Variants in BCL2L10 observed in about 807,000 individuals in gnomAD.
The protein encoded by BCL2L10 is bcl-2-like protein 10.
In BCL2L10, 14 loss-of-function variants were observed where a neutral mutation model predicts 11.1. That is an observed-to-expected ratio of 1.26 (90% confidence interval 0.83 to 1.96). BCL2L10 has a LOEUF of 1.96. BCL2L10 is among the 30% of genes most tolerant of loss of function. The pLI is 0.00. For missense variants in BCL2L10, 309 were observed against 273.9 expected (o/e 1.13, Z -0.90); for synonymous variants, 154 against 133.4 (o/e 1.15, Z -1.07).
rs374324889 is a variant in BCL2L10 at position 52,109,960 on chromosome 15, T to G, written c.503A>C (p.His168Pro). ...QAQGGWDGFCHFFRTPFPLAF... is the reference protein window; with the variant it reads ...QAQGGWDGFCPFFRTPFPLAF... ...CAGTGGAAAGGGGGTCCTGAAGAAG[T>G]GACAAAAGCCATCCTACAGGGGGGA... The change falls in exon 2 of 2, where the codon CAC (histidine) becomes CCC (proline). Residue 168 changes from histidine to proline, a missense_variant. Coordinates refer to ENST00000260442, the MANE Select transcript of BCL2L10 (RefSeq NM_020396.4). The G allele has an allele frequency of 5.0e-6, 8 of 1,611,128 alleles. No homozygotes were observed. The highest frequency in any genetic ancestry group is 6.8e-6 in the Non-Finnish European group (8 of 1,178,756).
rs997318253 is a variant in BCL2L10, at chr15:52,112,759, C to G, written c.-33G>C. On this transcript the variant is annotated 5_prime_UTR_variant, in exon 1 of 2. Coordinates refer to ENST00000260442, the MANE Select transcript of BCL2L10 (RefSeq NM_020396.4). ...CCTCTGCTGGGGGGCCGGGCCTTCG[C>G]TGGTTTTCTTGGCCCGGCCGCGCCT... 1.5e-5 allele frequency: 23 copies of G among 1,494,920 alleles called. No individual in the cohort carries two copies. Among genetic ancestry groups the G allele is most frequent in the Non-Finnish European group, 1.7e-5 (19 of 1,129,728 alleles). 92.6% of individuals were successfully genotyped at this position (1,494,920 alleles called of 1,614,324 possible).
At chr15:52,112,196 T>A (rs908375630) in intron 1 of BCL2L10, 42 bp downstream of exon 1, 4 of 1,433,972 alleles carry the variant, frequency 2.8e-6, no homozygotes, top group Non-Finnish European at 3.6e-6. Flanking sequence ...GCTTCCCGGC[T>A]GCCCGTCCCG....
Position 52,112,244 on chromosome 15 carries a change from G to A in BCL2L10, c.483C>T (p.Gly161=). 6.6e-7 allele frequency: 1 copy of A among 1,510,318 alleles called. No homozygotes were observed. The highest frequency in any genetic ancestry group is 8.8e-7 in the Non-Finnish European group (1 of 1,133,634). 93.6% of individuals were successfully genotyped at this position (1,510,318 alleles called of 1,614,324 possible). Residue 161 remains glycine, a synonymous_variant, in exon 1 of 2, where the codon GGC becomes GGT. Transcript: ENST00000260442. ...GTGTCCGCCGCGTGCTCACCCAGCC[G>A]CCCTGAGCCTGCAGCCAGGCGCGGT... The part of the protein sequence containing the change: ...GQHRAWLQAQ[G]GWDGFCHFFR...
At chr15:52,110,855 C>T (rs1209561913) in intron 1 of BCL2L10, among the ~76,000 whole-genome samples, 1 of 152,178 alleles carries the variant, frequency 6.6e-6, no homozygotes, top group Admixed American at 6.5e-5. Context: ...GTACAGAGAG[C>T]CCGGAGGGGC....
At chr15:52,111,695 G>A (rs2033059067) in intron 1 of BCL2L10, among the ~76,000 whole-genome samples, 1 of 152,068 alleles carries the variant, frequency 6.6e-6, no homozygotes, top group South Asian at 2.1e-4. Flanking sequence ...TGGGTGCAGA[G>A]GACTAGAAAT....
chr15:52,110,108 A>G (rs939966108), intron 1 of BCL2L10, 135 bp from the exon 2 acceptor site: 11 of 815,084 alleles, frequency 1.3e-5, no homozygotes, highest in Middle Eastern at 3.7e-4. Context: ...ATTCTGACCA[A>G]TACACATCCA....
Position 52,112,381 on chromosome 15 carries a change from C to A in BCL2L10, c.346G>T (p.Ala116Ser), listed in dbSNP as rs1286981875. 5.0e-6 allele frequency: 8 copies of A among 1,605,718 alleles called. No homozygotes were observed. The highest frequency in any genetic ancestry group is 6.8e-6 in the Non-Finnish European group (8 of 1,179,332). Residue 116 changes from alanine (A) to serine (S), a missense_variant, in exon 1 of 2, where the codon GCC (alanine) becomes TCC (serine). Coordinates refer to ENST00000260442, the MANE Select transcript of BCL2L10 (RefSeq NM_020396.4). Reference protein sequence around the residue: ...TLLERGPLVTARWKKWGFQPR... With the variant: ...TLLERGPLVTSRWKKWGFQPR... ...TGGAAGCCCCACTTCTTCCACCGGG[C>A]GGTCACCAGCGGCCCTCTCTCCAGC...
chr15:52,111,867 G>A (rs753486035), intron 1 of BCL2L10, among the ~76,000 whole-genome samples: 76 of 152,330 alleles, frequency 5.0e-4, no homozygotes, highest in Non-Finnish European at 8.5e-4. Context: ...CTGGGGCCCC[G>A]CCATTGCTGA....
Position 52,112,299 on chromosome 15 carries a change from G to A in BCL2L10, c.428C>T (p.Ala143Val). Residue 143 changes from alanine to valine, a missense_variant, in exon 1 of 2, where the codon GCC (alanine) becomes GTC (valine). Ala to Val is a moderately conservative substitution (Grantham distance 64). Transcript: ENST00000260442. The part of the protein sequence containing the change: ...DVARDCQRLV[A>V]LLSSRLMGQH... ...CCCCATGAGCCGCGAGCTCAGCAAGGCCACCAGGCGCTGGCAGTCCCGGGC... is the reference window on the plus strand; with the variant it reads ...CCCCATGAGCCGCGAGCTCAGCAAGACCACCAGGCGCTGGCAGTCCCGGGC... 2 of 1,566,142 alleles carry A rather than the reference G, an allele frequency of 1.3e-6. No homozygotes were observed. Among genetic ancestry groups the A allele is most frequent in the East Asian group, 2.4e-5 (1 of 42,232 alleles).
rs915947601 is a variant in BCL2L10, at chr15:52,112,691, G to T, written c.36C>A (p.Ala12=). ...GCTCGGTGCGCTCCCGCAGCGGGTCGGCCATGGTGGTGCGCTCCCGCAACT... is the reference window on the plus strand; with the variant it reads ...GCTCGGTGCGCTCCCGCAGCGGGTCTGCCATGGTGGTGCGCTCCCGCAACT... ...VDQLRERTTM[A]DPLRERTELL... The change falls in exon 1 of 2, where the codon GCC becomes GCA. Residue 12 remains alanine, a synonymous_variant. Coordinates refer to ENST00000260442, the MANE Select transcript of BCL2L10 (RefSeq NM_020396.4). The T allele has an allele frequency of 6.5e-7, 1 of 1,538,336 alleles. No individual in the cohort carries two copies. Among genetic ancestry groups the T allele is most frequent in the Non-Finnish European group, 8.7e-7 (1 of 1,148,258 alleles).
At position 52,109,938 on chromosome 15, in the gene BCL2L10, T is replaced by A. The variant is rs763824623; in HGVS notation, c.525A>T (p.Pro175=). 128 of 1,612,920 alleles carry A rather than the reference T, an allele frequency of 7.9e-5. 3 individuals are homozygous for A. The South Asian group carries it at 1.3e-3, about 16-fold the overall frequency. Residue 175 remains proline (P), a synonymous_variant, in exon 2 of 2, where the codon CCA becomes CCT. Transcript: ENST00000260442. ...GFCHFFRTPF[P]LAFWRKQLVQ... ...CCAGCTGTTTTCTCCAAAAAGCCAG[T>A]GGAAAGGGGGTCCTGAAGAAGTGAC...
chr15:52,109,981 G>A lies in BCL2L10; in HGVS notation c.490-8C>T. 6.3e-7 allele frequency: 1 copy of A among 1,593,058 alleles called. No individual in the cohort carries two copies. The highest frequency in any genetic ancestry group is 8.5e-7 in the Non-Finnish European group (1 of 1,170,670). The stretch of plus-strand genomic sequence containing the variant: ...GAAGTGACAAAAGCCATCCTACAGG[G>A]GGGAGAGAGAAAAGTTAGATTGCCT... On this transcript the variant is annotated splice_region_variant and splice_polypyrimidine_tract_variant and intron_variant, in intron 1 of 1. Transcript: ENST00000260442.
At position 52,109,894 on chromosome 15, in the gene BCL2L10, C is replaced by T; in HGVS notation, c.569G>A (p.Cys190Tyr). The change falls in exon 2 of 2, where the codon TGC (cysteine) becomes TAC (tyrosine). Residue 190 changes from cysteine (C) to tyrosine (Y), a missense_variant. By Grantham distance (194) the Cys-to-Tyr change is radical. Coordinates refer to ENST00000260442, the MANE Select transcript of BCL2L10 (RefSeq NM_020396.4). ...RKQLVQAFLS[C>Y]LLTTAFIYLW... ...ATAAATGAAGGCTGTTGTTAACAAG[C>T]ATGACAGAAAAGCCTGGACCAGCTG... 6.2e-7 allele frequency: 1 copy of T among 1,613,772 alleles called. No individual in the cohort carries two copies. The highest frequency in any genetic ancestry group is 1.3e-5 in the African/African-American group (1 of 74,986).
chr15:52,109,990 GAA>G lies in BCL2L10; in HGVS notation c.490-19_490-18del, dbSNP rs1337118440. 8 of 1,586,780 alleles carry G rather than the reference GAA, an allele frequency of 5.0e-6. No homozygotes were observed. In the African/African-American group the frequency reaches 5.4e-5, roughly 11 times the overall value. On this transcript the variant is annotated intron_variant, in intron 1 of 1. Coordinates refer to ENST00000260442, the MANE Select transcript of BCL2L10 (RefSeq NM_020396.4). Reference sequence around the variant, plus strand: ...AAAGCCATCCTACAGGGGGGAGAGAGAAAAGTTAGATTGCCTCATGATGCTGA... The same window carrying G: ...AAAGCCATCCTACAGGGGGGAGAGAGAAGTTAGATTGCCTCATGATGCTGA...
Position 52,112,665 on chromosome 15 carries a change from A to T in BCL2L10, c.62T>A (p.Leu21Gln). ...GTACCCCAGGTAGTCGGCCAGCAACAGCTCGGTGCGCTCCCGCAGCGGGTC... is the reference window on the plus strand; with the variant it reads ...GTACCCCAGGTAGTCGGCCAGCAACTGCTCGGTGCGCTCCCGCAGCGGGTC... ...MADPLRERTE[L>Q]LLADYLGYCA... Residue 21 changes from leucine to glutamine, a missense_variant, in exon 1 of 2, where the codon CTG (leucine) becomes CAG (glutamine). Transcript: ENST00000260442. The T allele has an allele frequency of 2.6e-6, 4 of 1,549,586 alleles. No homozygotes were observed. Among genetic ancestry groups the T allele is most frequent in the South Asian group, 1.2e-5 (1 of 85,078 alleles).
chr15:52,112,735 C>T lies in BCL2L10; in HGVS notation c.-9G>A, dbSNP rs1191284807. 1.3e-6 allele frequency: 2 copies of T among 1,524,490 alleles called. No individual in the cohort carries two copies. Among genetic ancestry groups the T allele is most frequent in the Non-Finnish European group, 1.8e-6 (2 of 1,141,936 alleles). 94.4% of individuals were successfully genotyped at this position (1,524,490 alleles called of 1,614,324 possible). A position where few individuals can be genotyped will look rare whatever the true frequency, so the allele number is the denominator to read the frequency against. On this transcript the variant is annotated 5_prime_UTR_variant, in exon 1 of 2. Coordinates refer to ENST00000260442, the MANE Select transcript of BCL2L10 (RefSeq NM_020396.4). Reference sequence around the variant, plus strand: ...CGCAACTGGTCAACCATGGTCCGGCCTCTGCTGGGGGGCCGGGCCTTCGCT... The same window carrying T: ...CGCAACTGGTCAACCATGGTCCGGCTTCTGCTGGGGGGCCGGGCCTTCGCT...
At chr15:52,112,192 C>T in intron 1 of BCL2L10, 46 bp downstream of exon 1, 1 of 1,432,608 alleles carries the variant, frequency 7.0e-7, no homozygotes, top group East Asian at 2.7e-5. Context: ...GGGCGCTTCC[C>T]GGCTGCCCGT....
rs2033074668 is a variant in BCL2L10, at chr15:52,112,470, A to G, written c.257T>C (p.Leu86Pro). ...ELVALMADSV[L>P]SDSPGPTWGR... Reference sequence around the variant, plus strand: ...CCAGGTGGGGCCGGGGCTGTCGGAGAGCACGGAATCCGCCATCAGCGCCAC... The same window carrying G: ...CCAGGTGGGGCCGGGGCTGTCGGAGGGCACGGAATCCGCCATCAGCGCCAC... The change falls in exon 1 of 2, where the codon CTC (leucine) becomes CCC (proline). Residue 86 changes from leucine to proline, a missense_variant. Physicochemically the swap from Leu to Pro is moderately conservative, Grantham distance 98. Coordinates refer to ENST00000260442, the MANE Select transcript of BCL2L10 (RefSeq NM_020396.4). The G allele has an allele frequency of 1.2e-6, 2 of 1,604,734 alleles. No homozygotes were observed. Among genetic ancestry groups the G allele is most frequent in the Non-Finnish European group, 1.7e-6 (2 of 1,179,182 alleles).
Position 52,112,632 on chromosome 15 carries a change from C to CGA in BCL2L10, c.94_95insTC (p.Arg32LeufsTer50). 1 of 1,564,296 alleles carries CGA rather than the reference C, an allele frequency of 6.4e-7. No homozygotes were observed. The highest frequency in any genetic ancestry group is 8.6e-7 in the Non-Finnish European group (1 of 1,163,306). Reference sequence around the variant, plus strand: ...CGCCGGCTCGGGGGTGCCGGGTTCCCGGGCGCAGTACCCCAGGTAGTCGGC... The same window carrying CGA: ...CGCCGGCTCGGGGGTGCCGGGTTCCCGAGGGCGCAGTACCCCAGGTAGTCGGC... On this transcript the variant is annotated frameshift_variant, in exon 1 of 2. Transcript: ENST00000260442. LOFTEE classifies it high-confidence loss of function.
Sources: allele counts gnomAD v4.1 joint callset (sites outside exome capture counted in the v4.1 genomes callset), GRCh38; gene constraint gnomAD v4.1.1; transcripts MANE v1.5; gene names NCBI Gene and HGNC (gene_info 2026-07-23, HGNC 2026-07-21).